Variants in SAMMSON observed in about 807,000 individuals in gnomAD.
SAMMSON encodes the protein long intergenic non-protein coding RNA 1212.
At chr3:70,285,635 T>C (rs1427088165) in intron 6 of SAMMSON, among the ~76,000 whole-genome samples, 2 of 151,230 alleles carry the variant, frequency 1.3e-5, no homozygotes, top group African/African-American at 2.4e-5. Context: ...ATCGCCACAC[T>C]GACTTCCACA....
intron 4 of SAMMSON, among the ~76,000 whole-genome samples, chr3:70,204,113 T>C (rs1307608986): frequency 1.3e-5 from 2 of 152,166 alleles, no homozygotes; most frequent in Non-Finnish European, 2.9e-5. Context: ...TTCCATCCTG[T>C]TTTAAGTGGG....
intron 2 of SAMMSON, among the ~76,000 whole-genome samples, chr3:70,402,941 T>A (rs1318820201): frequency 6.6e-6 from 1 of 151,826 alleles, no homozygotes; most frequent in Non-Finnish European, 1.5e-5. Context: ...GTATATATAT[T>A]ATATATATAT....
chr3:70,354,478 A>G (rs1445093283), intron 8 of SAMMSON, among the ~76,000 whole-genome samples: 1 of 152,216 alleles, frequency 6.6e-6, no homozygotes, highest in Non-Finnish European at 1.5e-5. Flanking sequence ...AATCATCAGA[A>G]GAAGCAATAA....
intron 3 of SAMMSON, among the ~76,000 whole-genome samples, chr3:70,070,602 A>T (rs990268868): frequency 2.0e-5 from 3 of 151,944 alleles, no homozygotes; most frequent in African/African-American, 7.2e-5. Flanking sequence ...AAAAAAAAAA[A>T]TCCCCTTGGG....
downstream of SAMMSON, among the ~76,000 whole-genome samples, chr3:70,393,278 G>A (rs1268648163): frequency 6.6e-6 from 1 of 152,110 alleles, no homozygotes; most frequent in Admixed American, 6.5e-5. Flanking sequence ...TTTTGCCTTT[G>A]GGCAAGTCCG....
At chr3:70,391,951 A>C (rs1701052504), downstream of SAMMSON, among the ~76,000 whole-genome samples, 2 of 152,162 alleles carry the variant, frequency 1.3e-5, no homozygotes, top group Admixed American at 1.3e-4. Flanking sequence ...TAAATGCCAA[A>C]TACTCACATG....
intron 4 of SAMMSON, among the ~76,000 whole-genome samples, chr3:70,132,052 C>G (rs1441624076): frequency 1.3e-5 from 2 of 152,120 alleles, no homozygotes; most frequent in African/African-American, 4.8e-5. Flanking sequence ...GAGTTCTTAG[C>G]CATGGCAGGG....
chr3:70,123,928 G>T (rs746211075), intron 4 of SAMMSON, among the ~76,000 whole-genome samples: 1 of 152,230 alleles, frequency 6.6e-6, no homozygotes, highest in Non-Finnish European at 1.5e-5. Flanking sequence ...TGAGCACCCA[G>T]CACAGGAAGT....
chr3:70,196,212 C>T (rs1387882211), intron 4 of SAMMSON, among the ~76,000 whole-genome samples: 11 of 152,018 alleles, frequency 7.2e-5, no homozygotes, highest in Non-Finnish European at 1.3e-4. Context: ...CTTTCTGTAA[C>T]GAATTAAGAA....
intron 7 of SAMMSON, among the ~76,000 whole-genome samples, chr3:70,336,505 G>T (rs1388578818): frequency 6.6e-6 from 1 of 151,962 alleles, no homozygotes; most frequent in East Asian, 1.9e-4. Context: ...TGTCAATCTT[G>T]GAGGTTTGTG....
intron 4 of SAMMSON, among the ~76,000 whole-genome samples, chr3:70,138,455 G>A (rs2067514863): frequency 7.2e-6 from 1 of 138,712 alleles, no homozygotes; most frequent in Admixed American, 7.2e-5. Context: ...GTCTCTAGAG[G>A]CTTTTTTTGT....
At chr3:70,356,412 TACTAACAAAA>T (rs1444016139) in intron 8 of SAMMSON, among the ~76,000 whole-genome samples, 1 of 152,116 alleles carries the variant, frequency 6.6e-6, no homozygotes, top group Non-Finnish European at 1.5e-5. Context: ...AACTTAGGTA[TACTAACAAAA>T]ATATTTCCAA....
At chr3:70,220,137 G>A (rs1167811683) in intron 4 of SAMMSON, among the ~76,000 whole-genome samples, 1 of 152,096 alleles carries the variant, frequency 6.6e-6, no homozygotes, top group East Asian at 1.9e-4. Flanking sequence ...CTAAGCATCA[G>A]AAAACAGTGG....
chr3:70,383,967 G>A (rs1703098564), intron 9 of SAMMSON, among the ~76,000 whole-genome samples: 1 of 151,902 alleles, frequency 6.6e-6, no homozygotes. Flanking sequence ...AGTAACTTGA[G>A]GCATTTTGAA....
At chr3:70,322,619 T>A (rs1401578039) in intron 7 of SAMMSON, among the ~76,000 whole-genome samples, 1 of 152,174 alleles carries the variant, frequency 6.6e-6, no homozygotes, top group African/African-American at 2.4e-5. Flanking sequence ...GCAGGATATT[T>A]AAATAGATTG....
intron 3 of SAMMSON, among the ~76,000 whole-genome samples, chr3:70,038,512 C>G (rs1432862422): frequency 6.6e-6 from 1 of 152,068 alleles, no homozygotes; most frequent in Non-Finnish European, 1.5e-5. Context: ...TACCCAGTCT[C>G]AGGTATTTGG....
At chr3:70,047,787 CT>C (rs900348068) in intron 3 of SAMMSON, among the ~76,000 whole-genome samples, 9 of 152,098 alleles carry the variant, frequency 5.9e-5, no homozygotes, top group African/African-American at 2.2e-4. Context: ...CTTACTGTGT[CT>C]TTGCATGGCA....
intron 4 of SAMMSON, among the ~76,000 whole-genome samples, chr3:70,245,808 C>T (rs2106645892): frequency 6.8e-6 from 1 of 148,128 alleles, no homozygotes; most frequent in South Asian, 2.1e-4. Context: ...ATGTGCTCTT[C>T]CTGTCACCAT....
intron 4 of SAMMSON, among the ~76,000 whole-genome samples, chr3:70,141,013 G>GTT (rs369872268): frequency 6.6e-6 from 1 of 151,184 alleles, no homozygotes; most frequent in African/African-American, 2.4e-5. Context: ...GGCAATGTAG[G>GTT]TTTTTTTTTG....
Sources: gnomAD v4.1 joint callset for allele counts (sites outside exome capture counted in the v4.1 genomes callset) on GRCh38, gnomAD v4.1.1 for gene constraint, MANE v1.5 for transcripts, NCBI Gene and HGNC (gene_info 2026-07-23, HGNC 2026-07-21) for gene names.